The following HS6ST3 variants were observed in gnomAD, a reference collection of about 807,000 sequenced individuals.
HS6ST3 encodes the protein heparan sulfate 6-O-sulfotransferase 3, also known as heparan-sulfate 6-O-sulfotransferase 3.
HS6ST3 carries 12 observed loss-of-function variants against 36.7 expected under a neutral mutation model. The observed-to-expected ratio is 0.33, with a 90% CI of 0.21 to 0.53. The LOEUF is 0.53. HS6ST3 is among the 20% of genes least tolerant of loss of function. HS6ST3 has a pLI of 0.95. For missense variants in HS6ST3, 584 were observed against 640.9 expected, an observed-to-expected ratio of 0.91 and a Z score of 0.96; for synonymous variants, 240 against 257.5, an observed-to-expected ratio of 0.93 and a Z score of 0.65.
intron 1 of HS6ST3, chr13:96,574,412 G>C (rs2056313264): frequency 1.9e-6 from 1 of 517,602 alleles, no homozygotes; most frequent in South Asian, 1.9e-5. Context: ...AAGTGAGAAG[G>C]TGACAATCAG....
intron 1 of HS6ST3, among the ~76,000 whole-genome samples, chr13:96,379,546 G>T (rs899013790): frequency 3.3e-5 from 5 of 152,202 alleles, no homozygotes; most frequent in African/African-American, 1.2e-4. Context: ...CAATCTATGG[G>T]TATCTTGTCA....
intron 1 of HS6ST3, among the ~76,000 whole-genome samples, chr13:96,682,672 A>AATT (rs1241840009): frequency 6.6e-6 from 1 of 152,092 alleles, no homozygotes; most frequent in Non-Finnish European, 1.5e-5. Flanking sequence ...GCTTAAGGTG[A>AATT]ATTCATGGTG....
chr13:96,176,164 A>G (rs560242197), intron 1 of HS6ST3, among the ~76,000 whole-genome samples: 13 of 152,326 alleles, frequency 8.5e-5, no homozygotes, highest in African/African-American at 3.1e-4. Flanking sequence ...TAATAAAACA[A>G]ATAACTTTGC....
chr13:96,645,446 C>T (rs1594825972), intron 1 of HS6ST3, among the ~76,000 whole-genome samples: 1 of 150,796 alleles, frequency 6.6e-6, no homozygotes, highest in Non-Finnish European at 1.5e-5. Flanking sequence ...CTTTAAATAC[C>T]TATGATTCCT....
intron 1 of HS6ST3, among the ~76,000 whole-genome samples, chr13:96,825,075 G>A (rs1878621350): frequency 6.6e-6 from 1 of 152,282 alleles, no homozygotes; most frequent in East Asian, 1.9e-4. Context: ...CTGGGTGGAG[G>A]AGTTCCTACC....
chr13:96,789,203 A>G (rs986034479), intron 1 of HS6ST3, among the ~76,000 whole-genome samples: 1 of 151,814 alleles, frequency 6.6e-6, no homozygotes, highest in African/African-American at 2.4e-5. Context: ...GTGTTTGTCT[A>G]GGGATTATAA....
intron 1 of HS6ST3, among the ~76,000 whole-genome samples, chr13:96,449,214 G>T (rs1594782773): frequency 6.6e-6 from 1 of 152,146 alleles, no homozygotes; most frequent in South Asian, 2.1e-4. Flanking sequence ...CTCCCTCCTT[G>T]GCCTCCCAAA....
At chr13:96,422,001 T>C (rs914769179) in intron 1 of HS6ST3, among the ~76,000 whole-genome samples, 1 of 152,232 alleles carries the variant, frequency 6.6e-6, no homozygotes, top group Non-Finnish European at 1.5e-5. Context: ...CATGAAATAA[T>C]TATCACCTCC....
intron 1 of HS6ST3, among the ~76,000 whole-genome samples, chr13:96,558,961 A>G (rs2056251341): frequency 6.6e-6 from 1 of 152,194 alleles, no homozygotes; most frequent in Non-Finnish European, 1.5e-5. Flanking sequence ...AAGATGGAGA[A>G]TGGTGGGCTT....
chr13:96,717,955 A>T (rs1467209627), intron 1 of HS6ST3, among the ~76,000 whole-genome samples: 1 of 152,172 alleles, frequency 6.6e-6, no homozygotes. Context: ...GGACCATTAC[A>T]TTTGACTTTC....
intron 1 of HS6ST3, among the ~76,000 whole-genome samples, chr13:96,542,887 T>C (rs2056183694): frequency 6.6e-6 from 1 of 152,162 alleles, no homozygotes; most frequent in African/African-American, 2.4e-5. Flanking sequence ...GGTAACTGAG[T>C]ACTTCTCTGT....
intron 1 of HS6ST3, among the ~76,000 whole-genome samples, chr13:96,754,839 G>A (rs1384148163): frequency 6.6e-6 from 1 of 151,872 alleles, no homozygotes; most frequent in African/African-American, 2.4e-5. Flanking sequence ...TACATTTATA[G>A]TTCTCTTCAT....
chr13:96,634,742 T>C (rs987828942), intron 1 of HS6ST3, among the ~76,000 whole-genome samples: 1 of 152,200 alleles, frequency 6.6e-6, no homozygotes, highest in Admixed American at 6.5e-5. Flanking sequence ...ATTCTCATCA[T>C]TTGCAGAGGT....
chr13:96,665,736 A>G (rs1445530195), intron 1 of HS6ST3, among the ~76,000 whole-genome samples: 1 of 152,180 alleles, frequency 6.6e-6, no homozygotes, highest in African/African-American at 2.4e-5. Context: ...GCATTAAGTA[A>G]TAGAACCCAT....
intron 1 of HS6ST3, among the ~76,000 whole-genome samples, chr13:96,816,528 T>A (rs79747724): frequency 6.6e-6 from 1 of 152,316 alleles, no homozygotes; most frequent in African/African-American, 2.4e-5. Context: ...ACAACAGTGA[T>A]TCATAATTTC....
At chr13:96,347,808 A>T (rs1405824848) in intron 1 of HS6ST3, among the ~76,000 whole-genome samples, 1 of 152,104 alleles carries the variant, frequency 6.6e-6, no homozygotes. Context: ...TACTTATCTG[A>T]CTTCCCCTCT....
chr13:96,382,754 T>G (rs979257750), intron 1 of HS6ST3, among the ~76,000 whole-genome samples: 4 of 152,194 alleles, frequency 2.6e-5, no homozygotes, highest in Non-Finnish European at 5.9e-5. Flanking sequence ...TGATTATGCT[T>G]CTCATGTCAA....
chr13:96,171,569 A>G (rs2054187955), intron 1 of HS6ST3, among the ~76,000 whole-genome samples: 1 of 152,216 alleles, frequency 6.6e-6, no homozygotes, highest in Admixed American at 6.5e-5. Context: ...GCAAATTATA[A>G]GTTTTGTTTT....
intron 1 of HS6ST3, among the ~76,000 whole-genome samples, chr13:96,408,121 G>A (rs1172939719): frequency 6.6e-6 from 1 of 152,040 alleles, no homozygotes; most frequent in Non-Finnish European, 1.5e-5. Context: ...TGCATTTTTA[G>A]TAGAGATGGG....
Sources: gnomAD v4.1 joint callset for allele counts (sites outside exome capture counted in the v4.1 genomes callset) on GRCh38, gnomAD v4.1.1 for gene constraint, MANE v1.5 for transcripts, NCBI Gene and HGNC (gene_info 2026-07-23, HGNC 2026-07-21) for gene names.